Variants in NEK10 observed in about 807,000 individuals in gnomAD.
NEK10 encodes NIMA related kinase 10.
A neutral mutation model predicts 159.8 loss-of-function variants in NEK10; 122 were observed. The ratio of observed to expected loss-of-function variants is 0.76; its 90% CI spans 0.66 to 0.89. The LOEUF (loss-of-function observed/expected upper bound fraction) is 0.89. NEK10 is among the 40% of genes least tolerant of loss of function. The pLI, the probability that NEK10 is intolerant of heterozygous loss-of-function variation, is 0.00. For synonymous variants in NEK10, 466 were observed against 457.1 expected (o/e 1.02, Z -0.25); for missense variants, 1,342 against 1,323.1 (o/e 1.01, Z -0.22).
intron 26 of NEK10, among the ~76,000 whole-genome samples, chr3:27,189,076 C>G (rs959907732): frequency 6.6e-6 from 1 of 152,072 alleles, no homozygotes; most frequent in African/African-American, 2.4e-5. Flanking sequence ...CTACATGATT[C>G]TTATCATTCT....
intron 13 of NEK10, among the ~76,000 whole-genome samples, chr3:27,300,000 C>T (rs911940715): frequency 1.3e-5 from 2 of 152,118 alleles, no homozygotes; most frequent in African/African-American, 4.8e-5. Context: ...TGAGTTAATG[C>T]TGAAATGAGT....
chr3:27,222,144 AGGTGGATCACCT>A (rs1309864644), intron 23 of NEK10, among the ~76,000 whole-genome samples: 18 of 152,274 alleles, frequency 1.2e-4, no homozygotes, highest in East Asian at 7.7e-4. Context: ...AGGCTGGGGC[AGGTGGATCACCT>A]GAGGTCAAGA....
chr3:27,273,905 GT>G (rs2041568465), intron 22 of NEK10, among the ~76,000 whole-genome samples: 1 of 150,122 alleles, frequency 6.7e-6, no homozygotes, highest in Admixed American at 6.6e-5. Flanking sequence ...AATGCTCAGA[GT>G]TTTCCCTCAA....
intron 23 of NEK10, among the ~76,000 whole-genome samples, chr3:27,220,540 G>GT (rs1951992400): frequency 6.6e-6 from 1 of 151,860 alleles, no homozygotes; most frequent in Non-Finnish European, 1.5e-5. Context: ...TATCCATAGG[G>GT]TCTAGGGATT....
intron 1 of NEK10, among the ~76,000 whole-genome samples, chr3:27,364,310 G>A (rs1302655682): frequency 6.6e-6 from 1 of 150,702 alleles, no homozygotes; most frequent in Non-Finnish European, 1.5e-5. Flanking sequence ...CCTCCCAAGT[G>A]GCTGGAATTG....
intron 22 of NEK10, among the ~76,000 whole-genome samples, chr3:27,266,855 T>C (rs748390491): frequency 6.6e-6 from 1 of 152,204 alleles, no homozygotes; most frequent in Non-Finnish European, 1.5e-5. Context: ...ACTTGTGCAG[T>C]GTGCAGGATG....
chr3:27,315,072 T>C (rs1477317561), intron 6 of NEK10, among the ~76,000 whole-genome samples: 2 of 152,252 alleles, frequency 1.3e-5, no homozygotes, highest in Non-Finnish European at 2.9e-5. Flanking sequence ...GATCTACTAA[T>C]AGTAAGTGCT....
intron 23 of NEK10, among the ~76,000 whole-genome samples, chr3:27,219,325 AT>A (rs1315164545): frequency 6.6e-6 from 1 of 152,204 alleles, no homozygotes; most frequent in East Asian, 1.9e-4. Flanking sequence ...TTTCTTTTGG[AT>A]TAAGGCAATT....
chr3:27,142,854 T>C (rs928933121), intron 30 of NEK10, among the ~76,000 whole-genome samples: 30 of 152,310 alleles, frequency 2.0e-4, no homozygotes, highest in African/African-American at 5.8e-4. Context: ...TTTACTGAGT[T>C]AGTTTAGAAT....
intron 16 of NEK10, among the ~76,000 whole-genome samples, chr3:27,292,145 G>C (rs1452919446): frequency 6.6e-6 from 1 of 152,106 alleles, no homozygotes; most frequent in Admixed American, 6.5e-5. Flanking sequence ...TGTGCTTACA[G>C]TTAATAACAC....
At chr3:27,295,255 C>T (rs1372103276) in intron 15 of NEK10, among the ~76,000 whole-genome samples, 1 of 152,194 alleles carries the variant, frequency 6.6e-6, no homozygotes, top group Non-Finnish European at 1.5e-5. Context: ...CCCTTATCCA[C>T]TTGGCAAGTC....
In NEK10 at chr3:27,286,103, T is replaced by TG. The variant is rs2042578815; in HGVS notation, c.1790-1143dup. Among the ~76,000 whole-genome samples the TG allele has an allele frequency of 3.7e-5, 5 of 136,682 alleles. No individual in the cohort carries two copies. The South Asian group carries it at 1.2e-3, about 34-fold the overall frequency. The allele number at this position is 136,682 out of a possible 152,430, so 89.7% of individuals were successfully genotyped here. On this transcript the variant is annotated intron_variant, in intron 20 of 35. Transcript: ENST00000691995. ...TCTTTTTTTTTTTTTTTTTTTTTTT[T>TG]GAGATGGAGTCTCACTCTGTTGCCC...
chr3:27,208,460 C>A (rs753481935), intron 23 of NEK10, among the ~76,000 whole-genome samples: 13 of 152,096 alleles, frequency 8.5e-5, no homozygotes, highest in Non-Finnish European at 1.3e-4. Flanking sequence ...GGCCTTATGG[C>A]ATTCTCCACT....
rs1384170704 is a variant in NEK10 at position 27,325,528 on chromosome 3, C to T, written c.363-3267G>A. On this transcript the variant is annotated intron_variant, in intron 5 of 35. Transcript: ENST00000691995. ...TATGATCCTGAGAAATTCAACTCTG[C>T]CCCCAAACCAGCACGTCTCAAACCT... is the stretch of plus-strand genomic sequence containing the variant. 3.9e-5 allele frequency among the ~76,000 whole-genome samples: 6 copies of T among 152,210 alleles called. No homozygotes were observed. The South Asian group carries it at 8.3e-4, about 21-fold the overall frequency.
Position 27,346,233 on chromosome 3 carries a change from A to G in NEK10, c.133-17T>C. 6.2e-7 allele frequency: 1 copy of G among 1,613,420 alleles called. No homozygotes were observed. ...GGCTGGAAGCTACAGAAATAGAAGC[A>G]TAGAGTACATGAGGATCACAATTCA... On this transcript the variant is annotated splice_polypyrimidine_tract_variant and intron_variant, in intron 3 of 35. Transcript: ENST00000691995.
rs1940350930 is a variant in NEK10 at position 27,115,940 on chromosome 3, C to T, written c.3299G>A (p.Arg1100Lys). The change falls in exon 35 of 36, where the codon AGG (arginine) becomes AAG (lysine). Residue 1100 changes from arginine (R) to lysine (K), a missense_variant and splice_region_variant. By Grantham distance (26) the Arg-to-Lys change is conservative. Transcript: ENST00000691995. ...ATTGAAGGCAAACTCTAGCTCTTAC[C>T]TGTTAGATGTAAAATTGTAATAGCC... ...ESGYYNFTSN[R>K]YHSYPWGTKN... 2 of 1,608,800 alleles carry T rather than the reference C, an allele frequency of 1.2e-6. No individual in the cohort carries two copies. The highest frequency in any genetic ancestry group is 2.2e-5 in the East Asian group (1 of 44,724).
chr3:27,237,004 G>C (rs761845833), intron 23 of NEK10, among the ~76,000 whole-genome samples: 1 of 151,156 alleles, frequency 6.6e-6, no homozygotes, highest in Non-Finnish European at 1.5e-5. Flanking sequence ...CAAAGTGGCC[G>C]TTTATAGACC....
Position 27,290,662 on chromosome 3 carries a change from G to T in NEK10, c.1698C>A (p.Ser566Arg). 1 of 1,606,334 alleles carries T rather than the reference G, an allele frequency of 6.2e-7. No homozygotes were observed. Among genetic ancestry groups the T allele is most frequent in the South Asian group, 1.1e-5 (1 of 90,412 alleles). Residue 566 changes from serine to arginine, a missense_variant, in exon 19 of 36, where the codon AGC (serine) becomes AGA (arginine). Coordinates refer to ENST00000691995, the MANE Select transcript of NEK10 (RefSeq NM_001394966.1). ...ATTCAGAAACAATATTCCTTACGCT[G>T]CTGTCTCGATCTTTCTTATCCTTTC... Reference protein sequence around the residue: ...AFGKDKKDRDSSVRNIVSELT... With the variant: ...AFGKDKKDRDRSVRNIVSELT...
chr3:27,179,097 T>C (rs2148905744), intron 26 of NEK10, among the ~76,000 whole-genome samples: 1 of 152,316 alleles, frequency 6.6e-6, no homozygotes, highest in Non-Finnish European at 1.5e-5. Flanking sequence ...GGTAACATCG[T>C]CTATTTTCAT....
Sources: gnomAD v4.1 joint callset for allele counts (sites outside exome capture counted in the v4.1 genomes callset) on GRCh38, gnomAD v4.1.1 for gene constraint, MANE v1.5 for transcripts, NCBI Gene and HGNC (gene_info 2026-07-23, HGNC 2026-07-21) for gene names.